DMRT1: variants seen among roughly 807,000 people sequenced by gnomAD.
DMRT1 encodes doublesex- and mab-3-related transcription factor 1.
A neutral mutation model predicts 32.3 loss-of-function variants in DMRT1; 7 were observed. The observed-to-expected ratio is 0.22, with a 90% confidence interval of 0.12 to 0.41. The LOEUF is 0.41. Among genes scored for constraint, DMRT1 ranks in the 10% least tolerant of loss-of-function variants. The pLI is 1.00. For synonymous variants in DMRT1, 278 were observed against 206.1 expected, an observed-to-expected ratio of 1.35 and a Z score of -2.99; for missense variants, 625 against 500.5, an observed-to-expected ratio of 1.25 and a Z score of -2.37.
Position 863,817 on chromosome 9 carries a change from G to A in DMRT1, c.538+16674G>A, listed in dbSNP as rs183206785. ...TCCCTTGTTAGTGGGGTTGAACATC[G>A]TTCCGTATGTTTAAAGGCCATTTGT... On this transcript the variant is annotated intron_variant, in intron 2 of 4. Transcript: ENST00000382276. 2.6e-3 allele frequency among the ~76,000 whole-genome samples: 396 copies of A among 152,280 alleles called. 1 individual carries two copies. Among genetic ancestry groups the A allele is most frequent in the African/African-American group, 8.2e-3 (341 of 41,560 alleles).
At position 915,221 on chromosome 9, in the gene DMRT1, G is replaced by A. The variant is rs10117218; in HGVS notation, c.823-1542G>A. On this transcript the variant is annotated intron_variant, in intron 3 of 4. Coordinates refer to ENST00000382276, the MANE Select transcript of DMRT1 (RefSeq NM_021951.3). The stretch of plus-strand genomic sequence containing the variant: ...ATAACTGAAGTCCAGCTCTGTTGTT[G>A]CCGTGAAGATGTGATCATGAGTTGA... Among the ~76,000 whole-genome samples the A allele has an allele frequency of 8.0e-3, 1,223 of 152,262 alleles. 10 individuals are homozygous for A. The highest frequency in any genetic ancestry group is 0.028 in the African/African-American group (1,178 of 41,538).
intron 2 of DMRT1, among the ~76,000 whole-genome samples, chr9:882,435 T>C (rs572045511): frequency 6.6e-6 from 1 of 152,286 alleles, no homozygotes; most frequent in South Asian, 2.1e-4. Context: ...CCTTTATACA[T>C]CCAGAATGTT....
At chr9:897,571 A>C (rs1817419244) in intron 3 of DMRT1, among the ~76,000 whole-genome samples, 1 of 151,650 alleles carries the variant, frequency 6.6e-6, no homozygotes, top group Non-Finnish European at 1.5e-5. Flanking sequence ...CAGCCTGGGT[A>C]ACAGAGCAAG....
chr9:874,322 GC>G (rs1816402037), intron 2 of DMRT1, among the ~76,000 whole-genome samples: 1 of 152,118 alleles, frequency 6.6e-6, no homozygotes, highest in Non-Finnish European at 1.5e-5. Context: ...AAATCATAGC[GC>G]CTTCATCTAA....
At chr9:919,082 T>C (rs1028422447) in intron 4 of DMRT1, among the ~76,000 whole-genome samples, 2 of 152,148 alleles carry the variant, frequency 1.3e-5, no homozygotes, top group African/African-American at 4.8e-5. Flanking sequence ...AGTATATTCA[T>C]TTGTGAGATA....
At chr9:854,161 G>C (rs114100128) in intron 2 of DMRT1, among the ~76,000 whole-genome samples, 2,822 of 151,552 alleles carry the variant, frequency 0.019, 81 homozygotes, top group African/African-American at 0.064. Context: ...CTGTTGCCCA[G>C]GTTGGAATGC....
chr9:921,477 T>C (rs1818352916), intron 4 of DMRT1, among the ~76,000 whole-genome samples: 2 of 152,204 alleles, frequency 1.3e-5, no homozygotes, highest in Non-Finnish European at 2.9e-5. Context: ...TTTGTTTGAA[T>C]GTCTGATTTC....
chr9:922,260 G>GA (rs1197510815), intron 4 of DMRT1, among the ~76,000 whole-genome samples: 6 of 148,978 alleles, frequency 4.0e-5, no homozygotes, highest in East Asian at 3.9e-4. Context: ...TTGGAAACTG[G>GA]AAAAAAAAAA....
chr9:861,911 G>A (rs866045798), intron 2 of DMRT1, among the ~76,000 whole-genome samples: 4 of 145,304 alleles, frequency 2.8e-5, no homozygotes, highest in Admixed American at 6.9e-5. Flanking sequence ...ATGGGGCGGC[G>A]GGGCAGAGGC....
Position 872,181 on chromosome 9 carries a change from C to T in DMRT1, c.539-21731C>T, listed in dbSNP as rs545715505. Among the ~76,000 whole-genome samples, 142 of 151,292 alleles carry T rather than the reference C, an allele frequency of 9.4e-4. 2 individuals are homozygous for T. The highest frequency in any genetic ancestry group is 7.9e-3 in the Admixed American group (120 of 15,252). On this transcript the variant is annotated intron_variant, in intron 2 of 4. Transcript: ENST00000382276. ...GGTTCAAGGGATTCTCCTGCCTGAG[C>T]CTCCCGAGTAGCTGGGATTACAGGC...
At chr9:945,805 A>G (rs913352901) in intron 4 of DMRT1, among the ~76,000 whole-genome samples, 2 of 140,098 alleles carry the variant, frequency 1.4e-5, no homozygotes, top group Non-Finnish European at 3.1e-5. Context: ...CTTTTCCCTC[A>G]TTTTATTTAT....
chr9:926,930 T>TA (rs1341554363), intron 4 of DMRT1, among the ~76,000 whole-genome samples: 1 of 152,238 alleles, frequency 6.6e-6, no homozygotes, highest in Non-Finnish European at 1.5e-5. Flanking sequence ...CAGTTTCTGT[T>TA]ACTCATTTAG....
At chr9:885,216 G>A (rs1816880259) in intron 2 of DMRT1, among the ~76,000 whole-genome samples, 2 of 152,198 alleles carry the variant, frequency 1.3e-5, no homozygotes, top group African/African-American at 4.8e-5. Context: ...GTGTGTTACA[G>A]GGTGCCTTTT....
intron 2 of DMRT1, among the ~76,000 whole-genome samples, chr9:887,133 G>A (rs941454380): frequency 6.6e-6 from 1 of 152,226 alleles, no homozygotes; most frequent in African/African-American, 2.4e-5. Flanking sequence ...GGAGGTTGCA[G>A]TGAGCCGAGA....
Position 965,784 on chromosome 9 carries a change from G to A in DMRT1, c.968-2201G>A, listed in dbSNP as rs1002028428. 2.6e-5 allele frequency among the ~76,000 whole-genome samples: 4 copies of A among 152,202 alleles called. No individual in the cohort carries two copies. The highest frequency in any genetic ancestry group is 5.9e-5 in the Non-Finnish European group (4 of 68,030). On this transcript the variant is annotated intron_variant, in intron 4 of 4. Transcript: ENST00000382276. The surrounding 1 kb of genome is among the most constrained non-coding windows in gnomAD (Gnocchi z 4.5). Reference sequence around the variant, plus strand: ...GCCAGTTCTGAAATGTGGGGCCCAGGAGAAGGTTGGTGCAGGGGCCAGAGC... The same window carrying A: ...GCCAGTTCTGAAATGTGGGGCCCAGAAGAAGGTTGGTGCAGGGGCCAGAGC...
intron 4 of DMRT1, among the ~76,000 whole-genome samples, chr9:966,875 C>T (rs1819947480): frequency 6.6e-6 from 1 of 152,230 alleles, no homozygotes; most frequent in Non-Finnish European, 1.5e-5. Context: ...CTTCAGCACT[C>T]AGCTCCCAAT....
At chr9:895,331 A>T (rs1478363542) in intron 3 of DMRT1, among the ~76,000 whole-genome samples, 1 of 152,194 alleles carries the variant, frequency 6.6e-6, no homozygotes, top group African/African-American at 2.4e-5. Flanking sequence ...TGTTGTGGGA[A>T]TATGTAGGTG....
At chr9:924,328 T>G (rs1295488113) in intron 4 of DMRT1, among the ~76,000 whole-genome samples, 1 of 152,172 alleles carries the variant, frequency 6.6e-6, no homozygotes, top group Non-Finnish European at 1.5e-5. Flanking sequence ...CGCCTTGGCC[T>G]CCCACAGTGC....
chr9:930,528 C>G (rs955700042), intron 4 of DMRT1, among the ~76,000 whole-genome samples: 28 of 152,070 alleles, frequency 1.8e-4, no homozygotes, highest in Non-Finnish European at 2.5e-4. Flanking sequence ...TCTGCCTCAG[C>G]CTCCTGAGTA....
Sources: allele counts gnomAD v4.1 joint callset (sites outside exome capture counted in the v4.1 genomes callset), GRCh38; gene constraint gnomAD v4.1.1; non-coding constraint Gnocchi (gnomAD v3.1); transcripts MANE v1.5; gene names NCBI Gene and HGNC (gene_info 2026-07-23, HGNC 2026-07-21).